The following SH3GL1 variants were observed in gnomAD, a reference collection of about 807,000 sequenced individuals.
SH3GL1 encodes SH3 domain containing GRB2 like 1, endophilin A2.
A neutral mutation model predicts 48.8 loss-of-function variants in SH3GL1; 21 were observed. The observed-to-expected ratio is 0.43, with a 90% CI of 0.30 to 0.62. The LOEUF (loss-of-function observed/expected upper bound fraction) is 0.62. Among genes scored for constraint, SH3GL1 ranks in the 20% least tolerant of loss-of-function variants. SH3GL1 has a pLI of 0.11. For synonymous variants in SH3GL1, 282 were observed against 217.5 expected (o/e 1.30, Z -2.61); for missense variants, 454 against 503.0 (o/e 0.90, Z 0.93).
chr19:4,372,503 G>A (rs565417323), intron 1 of SH3GL1, among the ~76,000 whole-genome samples: 40 of 152,336 alleles, frequency 2.6e-4, no homozygotes, highest in African/African-American at 5.1e-4. Flanking sequence ...ATACAGGGTC[G>A]GGGTGGAGGC....
chr19:4,368,282 G>C (rs1972825074), intron 1 of SH3GL1, among the ~76,000 whole-genome samples: 1 of 152,230 alleles, frequency 6.6e-6, no homozygotes, highest in Non-Finnish European at 1.5e-5. Flanking sequence ...TGGGGCTGGG[G>C]GGTGTCCAGC....
At chr19:4,396,516 G>A (rs1281471562) in intron 1 of SH3GL1, among the ~76,000 whole-genome samples, 2 of 150,910 alleles carry the variant, frequency 1.3e-5, no homozygotes, top group Non-Finnish European at 2.9e-5. Context: ...ACGAAGTCTC[G>A]CTCTCATCCA....
At chr19:4,364,886 GTGTGTGTGTGTGTATATA>G (rs919905749) in intron 4 of SH3GL1, among the ~76,000 whole-genome samples, 4 of 90,888 alleles carry the variant, frequency 4.4e-5, no homozygotes, top group African/African-American at 1.8e-4. Flanking sequence ...GTGTGTGTGT[GTGTGTGTGTGTGTATATA>G]TATATATATA....
chr19:4,400,341 A>T lies in SH3GL1; in HGVS notation c.28T>A (p.Phe10Ile). The T allele has an allele frequency of 6.3e-7, 1 of 1,595,146 alleles. No individual in the cohort carries two copies. Among genetic ancestry groups the T allele is most frequent in the Non-Finnish European group, 8.5e-7 (1 of 1,174,302 alleles). MSVAGLKKQFYKASQLVSEK... is the reference protein window; with the variant it reads MSVAGLKKQIYKASQLVSEK... The stretch of plus-strand genomic sequence containing the variant: ...GCGCTCACCTGGCTCGCCTTGTAGA[A>T]CTGCTTCTTCAGCCCCGCCACCGAC... Residue 10 changes from phenylalanine (F) to isoleucine (I), a missense_variant, in exon 1 of 10, where the codon TTC becomes ATC. This residue lies in a region of SH3GL1 where 176 missense variants were observed against 256.2 expected (regional missense o/e 0.69). Coordinates refer to ENST00000269886, the MANE Select transcript of SH3GL1 (RefSeq NM_003025.4). The surrounding 1 kb of genome is among the most constrained non-coding windows in gnomAD (Gnocchi z 4.1).
At chr19:4,383,385 T>C (rs536445306) in intron 1 of SH3GL1, among the ~76,000 whole-genome samples, 1 of 151,914 alleles carries the variant, frequency 6.6e-6, no homozygotes, top group Admixed American at 6.6e-5. Flanking sequence ...GAGTTATTTT[T>C]TTTTTTATTT....
rs1353313484 is a variant in SH3GL1 at position 4,362,733 on chromosome 19, C to T, written c.732G>A (p.Met244Ile). 6.2e-7 allele frequency: 1 copy of T among 1,613,954 alleles called. No homozygotes were observed. Among genetic ancestry groups the T allele is most frequent in the Admixed American group, 1.7e-5 (1 of 60,032 alleles). ...GCTTAGGGCGTGAGGAAGCTTCCCG[C>T]ATCCTGTGAAGGGAGAGGCGTGAGT... ...DELAEKLKRRMREASSRPKRE... is the reference protein window; with the variant it reads ...DELAEKLKRRIREASSRPKRE... Residue 244 changes from methionine (M) to isoleucine (I), a missense_variant, in exon 8 of 10, where the codon ATG becomes ATA. Physicochemically the swap from Met to Ile is conservative, Grantham distance 10 (BLOSUM62 1). Transcript: ENST00000269886.
At chr19:4,399,180 C>T (rs1286066554) in intron 1 of SH3GL1, among the ~76,000 whole-genome samples, 1 of 151,826 alleles carries the variant, frequency 6.6e-6, no homozygotes, top group African/African-American at 2.4e-5. Context: ...AGTAGCCGGG[C>T]GTGGTGGCGC....
At chr19:4,361,874 A>C (rs548039826) in intron 9 of SH3GL1, 78 bp from the exon 10 acceptor site, 2 of 1,082,152 alleles carry the variant, frequency 1.8e-6, no homozygotes, top group African/African-American at 3.1e-5. Flanking sequence ...ACCTGCTGTG[A>C]CCTGGAGCGT....
Position 4,365,466 on chromosome 19 carries a change from A to G in SH3GL1, c.331+16T>C. 3 of 1,613,078 alleles carry G rather than the reference A, an allele frequency of 1.9e-6. No homozygotes were observed. Among genetic ancestry groups the G allele is most frequent in the Non-Finnish European group, 1.7e-6 (2 of 1,179,962 alleles). On this transcript the variant is annotated intron_variant, in intron 4 of 9. Coordinates refer to ENST00000269886, the MANE Select transcript of SH3GL1 (RefSeq NM_003025.4). ...TCCAGGGACGGTGGGCGTGGCTTCCAGAGAGCACCACTCACCAAAGTTGGA... is the reference window on the plus strand; with the variant it reads ...TCCAGGGACGGTGGGCGTGGCTTCCGGAGAGCACCACTCACCAAAGTTGGA...
chr19:4,364,070 C>T lies in SH3GL1; in HGVS notation c.465+18G>A. 2 of 1,611,812 alleles carry T rather than the reference C, an allele frequency of 1.2e-6. No homozygotes were observed. Among genetic ancestry groups the T allele is most frequent in the South Asian group, 1.1e-5 (1 of 91,000 alleles). ...GCAGGGGGAAGGGACAGGCCCCAGG[C>T]TGGCGCAGGAGCAGCACCTGGATCT... On this transcript the variant is annotated intron_variant, in intron 5 of 9. Coordinates refer to ENST00000269886, the MANE Select transcript of SH3GL1 (RefSeq NM_003025.4).
chr19:4,380,959 C>T (rs1599609370), intron 1 of SH3GL1, among the ~76,000 whole-genome samples: 1 of 151,974 alleles, frequency 6.6e-6, no homozygotes, highest in South Asian at 2.1e-4. Context: ...CAAAGTGAAC[C>T]GGTCCTATTT....
rs147741212 is a variant in SH3GL1, at chr19:4,363,471, G to C, written c.627C>G (p.Ile209Met). Residue 209 changes from isoleucine to methionine, a missense_variant and splice_region_variant, in exon 7 of 10, where the codon ATC (isoleucine) becomes ATG (methionine). Ile to Met is a conservative substitution (Grantham distance 10, BLOSUM62 1). Coordinates refer to ENST00000269886, the MANE Select transcript of SH3GL1 (RefSeq NM_003025.4). ...GGGCCGAGAGCTGACTCACCTGCTC[G>C]ATCTGTGGGGACAGTAGGGCTCAGG... Reference protein sequence around the residue: ...TSMHNLLETDIEQVSQLSALV... With the variant: ...TSMHNLLETDMEQVSQLSALV... 46 of 1,611,080 alleles carry C rather than the reference G, an allele frequency of 2.9e-5. No homozygotes were observed. The Admixed American group carries it at 6.7e-4, about 23-fold the overall frequency.
intron 6 of SH3GL1, 47 bp downstream of exon 6, chr19:4,363,673 C>G: frequency 1.2e-6 from 2 of 1,610,234 alleles, no homozygotes; most frequent in Middle Eastern, 2.0e-4. Flanking sequence ...ACCCCGGCCT[C>G]CCAAGGGCAT....
chr19:4,400,502 C>T lies in SH3GL1; in HGVS notation c.-134G>A, dbSNP rs1973505449. On this transcript the variant is annotated 5_prime_UTR_variant, in exon 1 of 10. Transcript: ENST00000269886. The surrounding 1 kb of genome is among the most constrained non-coding windows in gnomAD (Gnocchi z 4.1). ...ACCCGCTTGCCAGCTCCGCGCCCGC[C>T]CCGGCGCCGCCTCAGCCGCTCGCGC... 7.4e-6 allele frequency: 5 copies of T among 678,856 alleles called. No individual in the cohort carries two copies. The highest frequency in any genetic ancestry group is 6.5e-4 in the Middle Eastern group (1 of 1,540). The allele number at this position is 678,856 out of a possible 1,614,324, so 42.1% of individuals were successfully genotyped here. A position where few individuals can be genotyped will look rare whatever the true frequency, so the allele number is the denominator to read the frequency against.
At chr19:4,378,734 AC>A (rs1219305239) in intron 1 of SH3GL1, among the ~76,000 whole-genome samples, 2 of 152,126 alleles carry the variant, frequency 1.3e-5, no homozygotes, top group African/African-American at 4.8e-5. Context: ...AATAAAAAAA[AC>A]AGAAACCATA....
intron 1 of SH3GL1, among the ~76,000 whole-genome samples, chr19:4,392,517 G>A (rs952651410): frequency 4.5e-5 from 5 of 110,014 alleles, no homozygotes; most frequent in South Asian, 3.0e-4. Context: ...GCAAGACTCC[G>A]TCACACACAC....
At chr19:4,363,220 G>C (rs903479473) in intron 7 of SH3GL1, 150 bp downstream of exon 7, 4 of 665,706 alleles carry the variant, frequency 6.0e-6, no homozygotes, top group Non-Finnish European at 1.0e-5. Flanking sequence ...TGACCTCGCG[G>C]CCCCCCAGGC....
intron 1 of SH3GL1, among the ~76,000 whole-genome samples, chr19:4,399,608 G>T (rs1157418932): frequency 6.6e-6 from 1 of 152,068 alleles, no homozygotes; most frequent in African/African-American, 2.4e-5. Flanking sequence ...TCAGCACCCC[G>T]CAGTGCCCAG....
At chr19:4,366,865 C>A in intron 2 of SH3GL1, 61 bp downstream of exon 2, 1 of 1,547,012 alleles carries the variant, frequency 6.5e-7, no homozygotes, top group Non-Finnish European at 8.9e-7. Context: ...TCCACTATGC[C>A]CGGCAGAGGT....
Sources: allele counts gnomAD v4.1 joint callset (sites outside exome capture counted in the v4.1 genomes callset), GRCh38; gene constraint gnomAD v4.1.1; regional missense constraint gnomAD v4.1.1; non-coding constraint Gnocchi (gnomAD v3.1); transcripts MANE v1.5; gene names NCBI Gene and HGNC (gene_info 2026-07-23, HGNC 2026-07-21).